The following CD36 variants were observed in gnomAD, a reference collection of about 807,000 sequenced individuals.
CD36 encodes CD36 molecule (CD36 blood group).
CD36 carries 119 observed loss-of-function variants against 55.2 expected under a neutral mutation model. The observed-to-expected ratio is 2.15, with a 90% CI of 1.86 to 2.51. The LOEUF (loss-of-function observed/expected upper bound fraction) is 2.51, where lower values mean the gene tolerates loss of function less well. Among genes scored for constraint, CD36 ranks in the 30% most tolerant of loss-of-function variants. CD36 has a pLI of 0.00. For missense variants in CD36, 819 were observed against 555.5 expected (o/e 1.47, Z -4.77); for synonymous variants, 186 against 193.6 (o/e 0.96, Z 0.33).
intron 1 of CD36, among the ~76,000 whole-genome samples, chr7:80,607,476 T>C (rs1236600926): frequency 4.6e-5 from 7 of 152,292 alleles, no homozygotes; most frequent in African/African-American, 1.7e-4. Flanking sequence ...GATCTACTGA[T>C]TTTTTACAAA....
chr7:80,673,940 T>G (rs561992534), intron 13 of CD36, 43 bp from the exon 14 acceptor site: 2 of 1,506,120 alleles, frequency 1.3e-6, no homozygotes, highest in Admixed American at 1.7e-5. Context: ...TATTTTGTTT[T>G]ACTAACGTAC....
chr7:80,665,354 A>G (rs987985266), intron 7 of CD36, among the ~76,000 whole-genome samples: 4 of 152,148 alleles, frequency 2.6e-5, no homozygotes, highest in African/African-American at 9.6e-5. Context: ...CTGAAAAAGA[A>G]TAAAGTGATC....
chr7:80,626,576 TTATG>T (rs1375451321), intron 1 of CD36, among the ~76,000 whole-genome samples: 1 of 152,082 alleles, frequency 6.6e-6, no homozygotes, highest in Non-Finnish European at 1.5e-5. Flanking sequence ...ATAGATAAAT[TTATG>T]TATGTATAGT....
rs778053200 is a variant in CD36, at chr7:80,656,637, C to T, written c.218C>T (p.Pro73Leu). ...RQFWIFDVQNPQEVMMNSSNI... is the reference protein window; with the variant it reads ...RQFWIFDVQNLQEVMMNSSNI... Reference sequence around the variant, plus strand: ...TTTTGGATCTTTGATGTGCAAAATCCACAGGAAGTGATGATGAACAGCAGC... The same window carrying T: ...TTTTGGATCTTTGATGTGCAAAATCTACAGGAAGTGATGATGAACAGCAGC... Residue 73 changes from proline to leucine, a missense_variant, in exon 4 of 15, where the codon CCA (proline) becomes CTA (leucine). By Grantham distance (98) the Pro-to-Leu change is moderately conservative (BLOSUM62 -3). Coordinates refer to ENST00000447544, the MANE Select transcript of CD36 (RefSeq NM_001001548.3). 5.0e-6 allele frequency: 8 copies of T among 1,613,562 alleles called. No individual in the cohort carries two copies. The Admixed American group carries it at 5.0e-5, about 10-fold the overall frequency.
intron 1 of CD36, among the ~76,000 whole-genome samples, chr7:80,643,665 T>G (rs1300167274): frequency 6.6e-6 from 1 of 152,166 alleles, no homozygotes; most frequent in African/African-American, 2.4e-5. Flanking sequence ...TCAGTCATTT[T>G]ACCTAATGCA....
intron 1 of CD36, among the ~76,000 whole-genome samples, chr7:80,642,644 C>A (rs955745204): frequency 6.6e-6 from 1 of 151,994 alleles, no homozygotes; most frequent in South Asian, 2.1e-4. Context: ...GTCAAGGCAC[C>A]GAGTGATAAT....
At position 80,663,317 on chromosome 7, in the gene CD36, C is replaced by T. The variant is rs1007288161; in HGVS notation, c.609+148C>T. On this transcript the variant is annotated intron_variant, in intron 6 of 14. Coordinates refer to ENST00000447544, the MANE Select transcript of CD36 (RefSeq NM_001001548.3). ...CTAACTTTTTAAAAAGTCCACTTCT[C>T]ATTATAGCTTCAGCTTTCCTAGTTG... 16 of 683,960 alleles carry T rather than the reference C, an allele frequency of 2.3e-5. No homozygotes were observed. The African/African-American group carries it at 2.7e-4, about 12-fold the overall frequency. The allele number at this position is 683,960 out of a possible 1,614,324, so 42.4% of individuals were successfully genotyped here.
intron 3 of CD36, among the ~76,000 whole-genome samples, chr7:80,652,399 T>C (rs1441329321): frequency 6.6e-6 from 1 of 152,222 alleles, no homozygotes; most frequent in East Asian, 1.9e-4. Context: ...ACATTTCACC[T>C]AATTTTATTC....
At chr7:80,641,841 G>C (rs951078424) in intron 1 of CD36, among the ~76,000 whole-genome samples, 22 of 151,810 alleles carry the variant, frequency 1.4e-4, no homozygotes, top group African/African-American at 5.3e-4. Context: ...TCTAATGCAG[G>C]CTTTGCAAAA....
chr7:80,613,861 G>A (rs1156268391), intron 1 of CD36, among the ~76,000 whole-genome samples: 5 of 152,144 alleles, frequency 3.3e-5, no homozygotes, highest in African/African-American at 1.2e-4. Flanking sequence ...TACTTGGGAA[G>A]TTAATATAGT....
chr7:80,666,927 A>G (rs2116774827), intron 8 of CD36, among the ~76,000 whole-genome samples: 1 of 152,346 alleles, frequency 6.6e-6, no homozygotes, highest in East Asian at 1.9e-4. Flanking sequence ...ATAAAGTTGC[A>G]AGACAGAACC....
intron 7 of CD36, among the ~76,000 whole-genome samples, chr7:80,665,655 G>A (rs144063248): frequency 3.5e-4 from 53 of 152,166 alleles, no homozygotes; most frequent in African/African-American, 1.2e-3. Flanking sequence ...CCTAGTTAGA[G>A]TAAGAATTTC....
Position 80,667,747 on chromosome 7 carries a change from G to GTTTTTTTTTTTTTTTTTTTTTTTTTTT in CD36, c.748+1279_748+1280insTTTTTTTTTTTTTTTTTTTTTTTTTTT, listed in dbSNP as rs1165767460. On this transcript the variant is annotated intron_variant, in intron 8 of 14. Coordinates refer to ENST00000447544, the MANE Select transcript of CD36 (RefSeq NM_001001548.3). ...GTTGGATTTGCAGGGGTTTTCTTTTGTTTTTTTTTTTTTTTTTTTTTGAGA... is the reference window on the plus strand; with the variant it reads ...GTTGGATTTGCAGGGGTTTTCTTTTGTTTTTTTTTTTTTTTTTTTTTTTTTTTTTTTTTTTTTTTTTTTTTTTTGAGA... Among the ~76,000 whole-genome samples the GTTTTTTTTTTTTTTTTTTTTTTTTTTT allele has an allele frequency of 2.2e-4, 18 of 82,636 alleles. 1 individual carries two copies. The highest frequency in any genetic ancestry group is 6.6e-4 in the African/African-American group (16 of 24,110). The allele number at this position is 82,636 out of a possible 152,430, so 54.2% of individuals were successfully genotyped here.
intron 1 of CD36, chr7:80,626,172 A>T (rs980544396): frequency 6.6e-6 from 1 of 152,078 alleles, no homozygotes; most frequent in Non-Finnish European, 1.5e-5. Context: ...TGGCAACCCA[A>T]TTTATTAGTG....
intron 4 of CD36, among the ~76,000 whole-genome samples, chr7:80,659,783 A>G (rs1279417240): frequency 6.6e-6 from 1 of 152,162 alleles, no homozygotes; most frequent in African/African-American, 2.4e-5. Context: ...AGTAATATGC[A>G]CACTAATTTA....
chr7:80,650,971 G>A (rs1795565940), intron 3 of CD36, among the ~76,000 whole-genome samples: 1 of 150,706 alleles, frequency 6.6e-6, no homozygotes, highest in African/African-American at 2.4e-5. Context: ...GAGCTGCCAT[G>A]AAAGTAGAAA....
At chr7:80,661,987 C>T (rs1464114021) in intron 5 of CD36, among the ~76,000 whole-genome samples, 1 of 152,128 alleles carries the variant, frequency 6.6e-6, no homozygotes, top group Admixed American at 6.5e-5. Context: ...AACAGGCGGG[C>T]ATTTATGTGG....
intron 3 of CD36, among the ~76,000 whole-genome samples, chr7:80,648,394 G>A (rs1489596362): frequency 1.3e-5 from 2 of 151,788 alleles, no homozygotes; most frequent in African/African-American, 4.8e-5. Flanking sequence ...ACTTTTTTTT[G>A]CTGACACATA....
Position 80,645,620 on chromosome 7 carries a change from A to C in CD36, c.-183-468A>C, listed in dbSNP as rs201195982. Among the ~76,000 whole-genome samples the C allele has an allele frequency of 2.2e-4, 34 of 152,142 alleles. 1 individual carries two copies. In the East Asian group the frequency reaches 5.9e-3, roughly 26 times the overall value. The stretch of plus-strand genomic sequence containing the variant: ...GCACTCCAGCCTGGGTGACAGAGAA[A>C]GACTCCGTCTCAAAAAATAATAATA... On this transcript the variant is annotated intron_variant, in intron 1 of 14. Coordinates refer to ENST00000447544, the MANE Select transcript of CD36 (RefSeq NM_001001548.3).
Sources: gnomAD v4.1 joint callset for allele counts (sites outside exome capture counted in the v4.1 genomes callset) on GRCh38, gnomAD v4.1.1 for gene constraint, MANE v1.5 for transcripts, NCBI Gene and HGNC (gene_info 2026-07-23, HGNC 2026-07-21) for gene names.